Variants in TAPT1 observed in about 807,000 individuals in gnomAD.
The protein encoded by TAPT1 is transmembrane anterior posterior transformation protein 1 homolog.
Under a neutral mutation model 65.6 loss-of-function variants are expected in TAPT1, and 28 were observed. That is an observed-to-expected ratio of 0.43 (90% CI 0.32 to 0.59). TAPT1 has a LOEUF of 0.59. TAPT1 is among the 20% of genes least tolerant of loss of function. The pLI is 0.09. For missense variants in TAPT1, 563 were observed against 679.9 expected (o/e 0.83, Z 1.91); for synonymous variants, 278 against 245.2 (o/e 1.13, Z -1.25).
intron 3 of TAPT1, among the ~76,000 whole-genome samples, chr4:16,196,277 G>GA (rs1213492893): frequency 2.0e-5 from 3 of 151,934 alleles, no homozygotes; most frequent in African/African-American, 7.3e-5. Flanking sequence ...AAACTATACT[G>GA]AAAAAAATAA....
chr4:16,164,562 C>G (rs1215043755), intron 13 of TAPT1, among the ~76,000 whole-genome samples: 1 of 152,120 alleles, frequency 6.6e-6, no homozygotes, highest in Non-Finnish European at 1.5e-5. Context: ...AGACTGGATC[C>G]TCCTTGAAAG....
At chr4:16,175,558 C>T (rs893856078) in intron 9 of TAPT1, among the ~76,000 whole-genome samples, 1 of 152,106 alleles carries the variant, frequency 6.6e-6, no homozygotes, top group Non-Finnish European at 1.5e-5. Flanking sequence ...ATGAGAACTA[C>T]ATTAGGAAAC....
intron 2 of TAPT1, 27 bp downstream of exon 2, chr4:16,213,741 T>C: frequency 1.3e-6 from 2 of 1,519,548 alleles, no homozygotes; most frequent in East Asian, 2.4e-5. Context: ...TTCAAAATGA[T>C]GTCTGGTAAT....
chr4:16,169,077 G>A (rs567812137), intron 12 of TAPT1, among the ~76,000 whole-genome samples: 1 of 152,350 alleles, frequency 6.6e-6, no homozygotes, highest in East Asian at 1.9e-4. Flanking sequence ...TTTTGAGAAA[G>A]CTTCTGAAGG....
chr4:16,219,146 C>A (rs900602983), intron 1 of TAPT1, among the ~76,000 whole-genome samples: 1 of 152,154 alleles, frequency 6.6e-6, no homozygotes, highest in African/African-American at 2.4e-5. Context: ...CCCAGAGAGG[C>A]TAAGGAGATC....
chr4:16,200,312 C>A (rs73130439), intron 3 of TAPT1, among the ~76,000 whole-genome samples: 2 of 152,022 alleles, frequency 1.3e-5, no homozygotes, highest in African/African-American at 4.8e-5. Context: ...AAAAGCCCTA[C>A]ATAGTATTAG....
At chr4:16,217,685 G>A (rs1751020358) in intron 1 of TAPT1, among the ~76,000 whole-genome samples, 1 of 152,132 alleles carries the variant, frequency 6.6e-6, no homozygotes, top group African/African-American at 2.4e-5. Flanking sequence ...AAATAACAAC[G>A]TACCAATATA....
chr4:16,176,278 T>C, intron 8 of TAPT1, 50 bp from the exon 9 acceptor site: 1 of 911,638 alleles, frequency 1.1e-6, no homozygotes, highest in African/African-American at 1.7e-5. Context: ...ATGAACAGAA[T>C]CCATATCACA....
intron 12 of TAPT1, among the ~76,000 whole-genome samples, chr4:16,167,253 A>C (rs1747701666): frequency 6.6e-6 from 1 of 152,040 alleles, no homozygotes; most frequent in Non-Finnish European, 1.5e-5. Context: ...GGCCTCCCAA[A>C]GTGCTGGGAT....
chr4:16,226,149 G>T, intron 1 of TAPT1, 110 bp downstream of exon 1: 1 of 1,026,438 alleles, frequency 9.7e-7, no homozygotes, highest in Non-Finnish European at 1.2e-6. Context: ...AGCCCCGGGA[G>T]GCAACGGCAG....
rs996806530 is a variant in TAPT1 at position 16,160,984 on chromosome 4, A to AT, written c.*2323dup. The AT allele has an allele frequency of 2.0e-5, 3 of 152,648 alleles. No homozygotes were observed. Among genetic ancestry groups the AT allele is most frequent in the Non-Finnish European group, 2.9e-5 (2 of 68,042 alleles). 9.5% of individuals were successfully genotyped at this position (152,648 alleles called of 1,614,324 possible). On this transcript the variant is annotated 3_prime_UTR_variant, in exon 14 of 14. Coordinates refer to ENST00000405303, the MANE Select transcript of TAPT1 (RefSeq NM_153365.3). The stretch of plus-strand genomic sequence containing the variant: ...CTGGCCTATCCTGTGCCTTCATTAG[A>AT]TTTTTTTAAAACCAAAGCACTGTCT...
At chr4:16,227,376 G>A (rs539605676), upstream of TAPT1, 25 of 450,962 alleles carry the variant, frequency 5.5e-5, no homozygotes, top group African/African-American at 4.0e-4. Flanking sequence ...AACGAGCGTG[G>A]TGTCGAGACC....
At chr4:16,202,313 A>G (rs1219223067) in intron 3 of TAPT1, 149 bp downstream of exon 3, 2 of 402,510 alleles carry the variant, frequency 5.0e-6, no homozygotes, top group African/African-American at 4.2e-5. Context: ...AACATATTAT[A>G]TAATATCCAT....
intron 7 of TAPT1, among the ~76,000 whole-genome samples, chr4:16,182,072 AGG>A (rs1187973017): frequency 2.0e-5 from 3 of 152,208 alleles, no homozygotes; most frequent in Admixed American, 6.5e-5. Context: ...TATAAAAATG[AGG>A]CTGTTATGTG....
intron 1 of TAPT1, among the ~76,000 whole-genome samples, chr4:16,216,728 C>A (rs1750961772): frequency 6.6e-6 from 1 of 152,122 alleles, no homozygotes; most frequent in African/African-American, 2.4e-5. Flanking sequence ...CTGGTTTAGT[C>A]CTCTCCATCT....
At chr4:16,198,600 T>C (rs1262205230) in intron 3 of TAPT1, among the ~76,000 whole-genome samples, 3 of 152,136 alleles carry the variant, frequency 2.0e-5, no homozygotes, top group Non-Finnish European at 4.4e-5. Context: ...ATCAACTTCT[T>C]TGCCAGTCTA....
At chr4:16,177,510 C>A (rs1748411692) in intron 8 of TAPT1, among the ~76,000 whole-genome samples, 1 of 152,124 alleles carries the variant, frequency 6.6e-6, no homozygotes, top group Non-Finnish European at 1.5e-5. Context: ...AGTCTGGCAT[C>A]ACATCAGGTT....
rs139969447 is a variant in TAPT1 at position 16,197,077 on chromosome 4, G to A, written c.449+5385C>T. ...CTATTTCGAAAGAGGTAAGGCATAC[G>A]AAGGAAACTCAAAAGGTTAGGAAAC... On this transcript the variant is annotated intron_variant, in intron 3 of 13. Transcript: ENST00000405303. Among the ~76,000 whole-genome samples, 7 of 152,260 alleles carry A rather than the reference G, an allele frequency of 4.6e-5. No homozygotes were observed. The East Asian group carries it at 1.4e-3, about 29-fold the overall frequency.
At chr4:16,195,535 A>G (rs1158875260) in intron 3 of TAPT1, among the ~76,000 whole-genome samples, 1 of 152,238 alleles carries the variant, frequency 6.6e-6, no homozygotes, top group Non-Finnish European at 1.5e-5. Context: ...ACATTTTTCA[A>G]CATAAGACAT....
Sources: gnomAD v4.1 joint callset for allele counts (sites outside exome capture counted in the v4.1 genomes callset) on GRCh38, gnomAD v4.1.1 for gene constraint, MANE v1.5 for transcripts, NCBI Gene and HGNC (gene_info 2026-07-23, HGNC 2026-07-21) for gene names.